MS4A6E: variants seen among roughly 807,000 people sequenced by gnomAD.
MS4A6E encodes membrane-spanning 4-domains subfamily A member 6E.
A neutral mutation model predicts 13.2 loss-of-function variants in MS4A6E; 8 were observed. That is an observed-to-expected ratio of 0.60 (90% CI 0.35 to 1.09). The LOEUF is 1.09. MS4A6E is among the 50% of genes least tolerant of loss of function. The pLI is 0.02. For synonymous variants in MS4A6E, 72 were observed against 67.6 expected, an observed-to-expected ratio of 1.06 and a Z score of -0.32; for missense variants, 177 against 171.1, an observed-to-expected ratio of 1.03 and a Z score of -0.19.
chr11:60,334,530 A>G (rs748701267), intron 1 of MS4A6E, among the ~76,000 whole-genome samples: 2 of 152,224 alleles, frequency 1.3e-5, no homozygotes, highest in Non-Finnish European at 2.9e-5. Context: ...TGTCTAAAAA[A>G]TTCATCAAAT....
At chr11:60,346,403 G>C (rs930912139) in intron 4 of MS4A6E, among the ~76,000 whole-genome samples, 3 of 152,168 alleles carry the variant, frequency 2.0e-5, no homozygotes, top group Non-Finnish European at 2.9e-5. Context: ...GGTTCTCCAA[G>C]GTGCTATCTG....
chr11:60,347,005 C>A lies in MS4A6E; in HGVS notation c.*162+6077C>A, dbSNP rs148237872. ...TAGTCTCCCTTTATTTGCCAAAGGT[C>A]CTGAAATGAGCAGGAAATGTGAATC... On this transcript the variant is annotated intron_variant and NMD_transcript_variant, in intron 4 of 4. Coordinates refer to the MS4A6E transcript ENST00000532756. Among the ~76,000 whole-genome samples, 140 of 152,234 alleles carry A rather than the reference C, an allele frequency of 9.2e-4. 1 individual carries two copies. Among genetic ancestry groups the A allele is most frequent in the African/African-American group, 3.3e-3 (136 of 41,546 alleles).
At chr11:60,330,215 G>C (rs918749832) in intron 1 of MS4A6E, among the ~76,000 whole-genome samples, 1 of 150,072 alleles carries the variant, frequency 6.7e-6, no homozygotes, top group Non-Finnish European at 1.5e-5. Context: ...CCCTTTGTCA[G>C]ATGGATAGAT....
intron 2 of MS4A6E, 79 bp downstream of exon 2, chr11:60,335,121 C>G: frequency 1.9e-6 from 3 of 1,562,488 alleles, no homozygotes; most frequent in Non-Finnish European, 2.6e-6. Context: ...ACTGGTCATC[C>G]TTGTGAGTGT....
chr11:60,346,869 G>A (rs1012918366), intron 4 of MS4A6E, among the ~76,000 whole-genome samples: 6 of 152,136 alleles, frequency 3.9e-5, no homozygotes, highest in East Asian at 1.9e-4. Context: ...TTTCAGCTGC[G>A]GTGAGGGTTT....
chr11:60,337,358 T>C (rs1035057253), intron 2 of MS4A6E, among the ~76,000 whole-genome samples: 1 of 152,030 alleles, frequency 6.6e-6, no homozygotes, highest in East Asian at 1.9e-4. Context: ...GCACGAGGGG[T>C]TTCTGAGTTG....
At chr11:60,330,335 CTTTTTT>C (rs71036576) in intron 1 of MS4A6E, among the ~76,000 whole-genome samples, 4 of 61,166 alleles carry the variant, frequency 6.5e-5, no homozygotes, top group Admixed American at 2.4e-4. Flanking sequence ...AATTTTGGCT[CTTTTTT>C]TTTTTTTTTT....
Position 60,337,912 on chromosome 11 carries a change from ACC to A in MS4A6E, c.320_321del (p.Thr107AsnfsTer5), listed in dbSNP as rs1386140622. On this transcript the variant is annotated frameshift_variant, in exon 3 of 5. Transcript: ENST00000684409. LOFTEE classifies it high-confidence loss of function. Reference sequence around the variant, plus strand: ...TTCTTATGATTATCATTCACCTTACACCATGGACTGCCATAGAGCCAAAGCCA... The same window carrying A: ...TTCTTATGATTATCATTCACCTTACAATGGACTGCCATAGAGCCAAAGCCA... ...LLSYDYHSPY[T>X]MDCHRAKASL... 6.2e-7 allele frequency: 1 copy of A among 1,614,190 alleles called. No homozygotes were observed.
At chr11:60,330,116 C>T (rs1344064362) in intron 1 of MS4A6E, among the ~76,000 whole-genome samples, 4 of 150,286 alleles carry the variant, frequency 2.7e-5, no homozygotes, top group African/African-American at 4.9e-5. Flanking sequence ...TGAGCCACCG[C>T]GCCCGGCCTC....
intron 1 of MS4A6E, among the ~76,000 whole-genome samples, chr11:60,334,342 T>C (rs2085175334): frequency 6.6e-6 from 1 of 152,222 alleles, no homozygotes; most frequent in Non-Finnish European, 1.5e-5. Flanking sequence ...CTAGCTATGC[T>C]AACCAATAAA....
At chr11:60,343,273 C>T (rs2017738), downstream of MS4A6E, among the ~76,000 whole-genome samples, 3,881 of 152,268 alleles carry the variant, frequency 0.025, 137 homozygotes, top group Admixed American at 0.088. Context: ...ATTTTAATGG[C>T]TTGTAATACT....
In MS4A6E at chr11:60,337,910, A is replaced by C; in HGVS notation, c.317A>C (p.Tyr106Ser). The C allele has an allele frequency of 6.2e-7, 1 of 1,614,198 alleles. No homozygotes were observed. The highest frequency in any genetic ancestry group is 8.5e-7 in the Non-Finnish European group (1 of 1,180,040). Residue 106 changes from tyrosine (Y) to serine (S), a missense_variant, in exon 3 of 5, where the codon TAC (tyrosine) becomes TCC (serine). Coordinates refer to ENST00000684409, the MANE Select transcript of MS4A6E (RefSeq NM_139249.4). ...CTTTCTTATGATTATCATTCACCTT[A>C]CACCATGGACTGCCATAGAGCCAAA... ...LLLSYDYHSP[Y>S]TMDCHRAKAS... is the part of the protein sequence containing the mutation.
chr11:60,330,054 T>C (rs2085144550), intron 1 of MS4A6E, among the ~76,000 whole-genome samples: 1 of 150,552 alleles, frequency 6.6e-6, no homozygotes, highest in Non-Finnish European at 1.5e-5. Context: ...TTTGATCTCC[T>C]GACCTCATGA....
downstream of MS4A6E, among the ~76,000 whole-genome samples, chr11:60,342,184 A>T (rs796775461): frequency 0.045 from 3,219 of 71,860 alleles, 76 homozygotes; most frequent in African/African-American, 0.13. Context: ...TGTGTGAGAG[A>T]GAGAGAGAGA....
In MS4A6E at chr11:60,340,966, T is replaced by A. The variant is rs893105429; in HGVS notation, c.*200T>A. On this transcript the variant is annotated 3_prime_UTR_variant, in exon 5 of 5. Transcript: ENST00000684409. ...AGTAATGCATATTTGTTTTAAAAAA[T>A]TATTTCGCTGTCATTTATGATATGT... The A allele has an allele frequency of 1.3e-5, 2 of 152,388 alleles. No homozygotes were observed. The highest frequency in any genetic ancestry group is 6.5e-5 in the Admixed American group (1 of 15,286). The allele number at this position is 152,388 out of a possible 1,614,324, so 9.4% of individuals were successfully genotyped here. A position where few individuals can be genotyped will look rare whatever the true frequency, so the allele number is the denominator to read the frequency against.
chr11:60,332,876 C>G, intron 1 of MS4A6E, among the ~76,000 whole-genome samples: 1 of 152,186 alleles, frequency 6.6e-6, no homozygotes, highest in Non-Finnish European at 1.5e-5. Context: ...TGTTAAAACA[C>G]CCGCATGCCC....
At chr11:60,345,066 C>T (rs2085249805), downstream of MS4A6E, among the ~76,000 whole-genome samples, 1 of 152,074 alleles carries the variant, frequency 6.6e-6, no homozygotes, top group Non-Finnish European at 1.5e-5. Flanking sequence ...TCCCGAGTAG[C>T]TGGGACTACA....
chr11:60,341,236 T>G lies in MS4A6E; in HGVS notation c.*470T>G, dbSNP rs1222113379. On this transcript the variant is annotated 3_prime_UTR_variant, in exon 5 of 5. Transcript: ENST00000684409. ...TTTTATCACAGGTGCTACTGATTTA[T>G]CCCATGTATTTTACTCATTAGTGCA... Among the ~76,000 whole-genome samples the G allele has an allele frequency of 1.3e-5, 2 of 152,218 alleles. No homozygotes were observed. The highest frequency in any genetic ancestry group is 6.5e-5 in the Admixed American group (1 of 15,282).
rs867669573 is a variant in MS4A6E, at chr11:60,337,943, T to C, written c.350T>C (p.Leu117Pro). The change falls in exon 3 of 5, where the codon CTG becomes CCG. Residue 117 changes from leucine (L) to proline (P), a missense_variant. Coordinates refer to ENST00000684409, the MANE Select transcript of MS4A6E (RefSeq NM_139249.4). ...TMDCHRAKAS[L>P]AGTLSLMLVS... ...GACTGCCATAGAGCCAAAGCCAGTC[T>C]GGCTGTAAGTATTTTTTAGATGGGA... 1.9e-6 allele frequency: 3 copies of C among 1,613,456 alleles called. No individual in the cohort carries two copies. In the African/African-American group the frequency reaches 4.0e-5, roughly 22 times the overall value.
Sources: gnomAD v4.1 joint callset for allele counts (sites outside exome capture counted in the v4.1 genomes callset) on GRCh38, gnomAD v4.1.1 for gene constraint, MANE v1.5 for transcripts, NCBI Gene and HGNC (gene_info 2026-07-23, HGNC 2026-07-21) for gene names.